NBAS: variants seen among roughly 807,000 people sequenced by gnomAD.
The protein encoded by NBAS is NBAS subunit of NRZ tethering complex, also known as NAG/BC035112 fusion.
In NBAS, 219 loss-of-function variants were observed where a neutral mutation model predicts 302.5. That is an observed-to-expected ratio of 0.72 (90% CI 0.65 to 0.81). The LOEUF (loss-of-function observed/expected upper bound fraction) is 0.81. Among genes scored for constraint, NBAS ranks in the 30% least tolerant of loss-of-function variants. NBAS has a pLI of 0.00. For missense variants in NBAS, 2,932 were observed against 2,841.6 expected, an observed-to-expected ratio of 1.03 and a Z score of -0.72; for synonymous variants, 1,118 against 1,021.6, an observed-to-expected ratio of 1.09 and a Z score of -1.80.
chr2:15,417,443 C>T (rs997463913), intron 24 of NBAS, 84 bp downstream of exon 24: 60 of 1,190,776 alleles, frequency 5.0e-5, no homozygotes, highest in Non-Finnish European at 6.5e-5. Flanking sequence ...TAGAACATTT[C>T]ATCTTTGGTT....
chr2:15,040,053 A>G, the NBAS span, among the ~76,000 whole-genome samples: 1 of 152,182 alleles, frequency 6.6e-6, no homozygotes, highest in Non-Finnish European at 1.5e-5. Flanking sequence ...CTCTGCGAGG[A>G]TGGAATCGAG....
chr2:15,148,289 C>G, the NBAS span, among the ~76,000 whole-genome samples: 3 of 152,096 alleles, frequency 2.0e-5, no homozygotes, highest in Non-Finnish European at 2.9e-5. Flanking sequence ...AGACCCAGGC[C>G]CTGCCACCAA....
the NBAS span, among the ~76,000 whole-genome samples, chr2:15,041,430 A>T: frequency 4.6e-5 from 7 of 152,226 alleles, no homozygotes; most frequent in African/African-American, 7.2e-5. Flanking sequence ...CCATTACAAG[A>T]GAAACAGCTG....
chr2:15,437,325 A>AAG (rs141961775), intron 21 of NBAS, among the ~76,000 whole-genome samples: 2 of 151,870 alleles, frequency 1.3e-5, no homozygotes, highest in African/African-American at 2.4e-5. Flanking sequence ...TTGAAAGAGA[A>AAG]AGAGAGAGAG....
chr2:15,446,330 G>C (rs78349898), intron 21 of NBAS, among the ~76,000 whole-genome samples: 1,938 of 152,062 alleles, frequency 0.013, 31 homozygotes, highest in East Asian at 0.059. Context: ...ATCATGCAAA[G>C]AGAAACAAAG....
chr2:15,533,036 C>A (rs1031026021), intron 9 of NBAS, among the ~76,000 whole-genome samples: 4 of 152,034 alleles, frequency 2.6e-5, no homozygotes, highest in African/African-American at 9.7e-5. Context: ...TCATCAGTAA[C>A]CAGGGAAGTA....
At chr2:15,000,954 G>A in the NBAS span, among the ~76,000 whole-genome samples, 2,283 of 152,200 alleles carry the variant, frequency 0.015, 70 homozygotes, top group African/African-American at 0.053. Flanking sequence ...GAGGGTGAAC[G>A]ACACACCACA....
chr2:15,223,470 AAAGC>A (rs1338764516), intron 47 of NBAS, among the ~76,000 whole-genome samples: 1 of 152,202 alleles, frequency 6.6e-6, no homozygotes, highest in Non-Finnish European at 1.5e-5. Flanking sequence ...ATCTTTTATG[AAAGC>A]AAGGAGAGGA....
Position 15,561,292 on chromosome 2 carries a change from C to A in NBAS, c.13G>T (p.Glu5Ter). The change falls in exon 1 of 52, where the codon GAG (glutamate) becomes TAG (stop). Residue 5 changes from glutamate (E) to a stop codon, truncating the protein, a stop_gained. Coordinates refer to ENST00000281513, the MANE Select transcript of NBAS (RefSeq NM_015909.4). LOFTEE classifies it high-confidence loss of function. Reference sequence around the variant, plus strand: ...CCTGGACTCAAAGCCGGCCCTGACTCGGGGGCCGCCATGTTCGCCGAGGAC... The same window carrying A: ...CCTGGACTCAAAGCCGGCCCTGACTAGGGGGCCGCCATGTTCGCCGAGGAC... The part of the protein sequence containing the change: MAAP[E>*]SGPALSPGTA... The A allele has an allele frequency of 6.2e-7, 1 of 1,613,174 alleles. No individual in the cohort carries two copies. The highest frequency in any genetic ancestry group is 8.5e-7 in the Non-Finnish European group (1 of 1,179,992).
chr2:14,889,362 T>C, the NBAS span, among the ~76,000 whole-genome samples: 4 of 152,208 alleles, frequency 2.6e-5, no homozygotes, highest in Admixed American at 1.3e-4. Flanking sequence ...ATGTTTTCCA[T>C]AAATGTTCTA....
At chr2:15,340,422 G>T (rs1672791702) in intron 35 of NBAS, among the ~76,000 whole-genome samples, 1 of 152,176 alleles carries the variant, frequency 6.6e-6, no homozygotes, top group African/African-American at 2.4e-5. Flanking sequence ...ACTGCAGAAA[G>T]AAGGTCATTG....
chr2:15,446,114 A>T (rs1678727902), intron 21 of NBAS, among the ~76,000 whole-genome samples: 1 of 152,094 alleles, frequency 6.6e-6, no homozygotes, highest in South Asian at 2.1e-4. Flanking sequence ...ATTGGGAAGG[A>T]GAAACAAGGA....
At chr2:15,439,264 T>C (rs1043081693) in intron 21 of NBAS, among the ~76,000 whole-genome samples, 11 of 145,534 alleles carry the variant, frequency 7.6e-5, no homozygotes, top group African/African-American at 2.6e-4. Flanking sequence ...ACATCGCCAC[T>C]GCACTCCGAC....
At chr2:15,001,720 T>C in the NBAS span, among the ~76,000 whole-genome samples, 1 of 152,136 alleles carries the variant, frequency 6.6e-6, no homozygotes. Flanking sequence ...GTGGCGCGTC[T>C]GGAGTTTGTT....
the NBAS span, among the ~76,000 whole-genome samples, chr2:14,794,755 T>C: frequency 2.0e-5 from 3 of 152,184 alleles, no homozygotes; most frequent in Non-Finnish European, 4.4e-5. Context: ...CTTTTCCTTC[T>C]GATCCTCCTG....
At chr2:15,160,728 G>T in the NBAS span, among the ~76,000 whole-genome samples, 1 of 152,196 alleles carries the variant, frequency 6.6e-6, no homozygotes, top group Non-Finnish European at 1.5e-5. Flanking sequence ...GAGTTTGCAA[G>T]GATTAAATTT....
the NBAS span, among the ~76,000 whole-genome samples, chr2:14,958,000 A>G: frequency 6.6e-6 from 1 of 152,096 alleles, no homozygotes; most frequent in Non-Finnish European, 1.5e-5. Flanking sequence ...CTCTGAACCC[A>G]TCTAGGCTTC....
intron 33 of NBAS, among the ~76,000 whole-genome samples, chr2:15,354,621 T>A (rs1226179359): frequency 1.3e-5 from 2 of 152,254 alleles, no homozygotes; most frequent in African/African-American, 4.8e-5. Context: ...AATTTGCTAA[T>A]GCTGAAGTTG....
chr2:15,059,093 C>T, the NBAS span, among the ~76,000 whole-genome samples: 9 of 152,122 alleles, frequency 5.9e-5, no homozygotes, highest in Non-Finnish European at 1.3e-4. Context: ...TTTTCTGATC[C>T]CTGGTCCTTG....
Sources: allele counts gnomAD v4.1 joint callset (sites outside exome capture counted in the v4.1 genomes callset), GRCh38; gene constraint gnomAD v4.1.1; transcripts MANE v1.5; gene names NCBI Gene and HGNC (gene_info 2026-07-23, HGNC 2026-07-21).